Variants in RP1 observed in about 807,000 individuals in gnomAD.
RP1 encodes the protein oxygen-regulated protein 1.
Under a neutral mutation model 14.8 loss-of-function variants are expected in RP1, and 16 were observed. The observed-to-expected ratio is 1.08, with a 90% CI of 0.73 to 1.65. RP1 has a LOEUF of 1.65. Among genes scored for constraint, RP1 ranks in the 40% most tolerant of loss-of-function variants. The probability of loss-of-function intolerance (pLI) is 0.00; values close to 1 mark genes in which losing one functional copy is unlikely to be tolerated. For missense variants in RP1, 2,631 were observed against 2,535.0 expected (o/e 1.04, Z -0.81); for synonymous variants, 876 against 883.6 (o/e 0.99, Z 0.15).
At chr8:54,778,162 G>T (rs570962066) in intron 23 of RP1, among the ~76,000 whole-genome samples, 1 of 152,180 alleles carries the variant, frequency 6.6e-6, no homozygotes, top group Non-Finnish European at 1.5e-5. Context: ...GCTAAAATGT[G>T]CCCTTCAGGG....
In RP1 at chr8:54,755,800, C is replaced by T; in HGVS notation, c.3093+30C>T. ...GTCTATACAAATAATTTCCCAGATTCTTAACAATCTCTCTGAAGATGGCCA... is the reference window on the plus strand; with the variant it reads ...GTCTATACAAATAATTTCCCAGATTTTTAACAATCTCTCTGAAGATGGCCA... On this transcript the variant is annotated intron_variant, in intron 21 of 22. Coordinates refer to the RP1 transcript ENST00000636932. 3 of 1,419,810 alleles carry T rather than the reference C, an allele frequency of 2.1e-6. No homozygotes were observed. In the South Asian group the frequency reaches 4.4e-5, roughly 21 times the overall value. 88.0% of individuals were successfully genotyped at this position (1,419,810 alleles called of 1,614,324 possible).
intron 1 of RP1, among the ~76,000 whole-genome samples, chr8:54,581,790 T>A (rs1374674017): frequency 6.6e-6 from 1 of 152,248 alleles, no homozygotes; most frequent in Non-Finnish European, 1.5e-5. Context: ...GTCTTTTGGC[T>A]GCATAAATGT....
At chr8:54,791,222 G>T (rs1328604945) in intron 24 of RP1, among the ~76,000 whole-genome samples, 3 of 151,874 alleles carry the variant, frequency 2.0e-5, no homozygotes, top group Non-Finnish European at 2.9e-5. Context: ...AAAAAAACCT[G>T]CCAACCAAGA....
chr8:54,725,224 A>C (rs1185035131), intron 16 of RP1, among the ~76,000 whole-genome samples: 4 of 152,046 alleles, frequency 2.6e-5, no homozygotes, highest in Non-Finnish European at 4.4e-5. Flanking sequence ...AAGAATCTTA[A>C]ATTTTTTTCC....
At chr8:54,713,786 A>C (rs923443516) in intron 15 of RP1, among the ~76,000 whole-genome samples, 1 of 152,238 alleles carries the variant, frequency 6.6e-6, no homozygotes, top group South Asian at 2.1e-4. Context: ...CAAAAAATTT[A>C]AAAAACTTGA....
At chr8:54,679,154 C>T (rs947204249) in intron 9 of RP1, among the ~76,000 whole-genome samples, 11 of 152,138 alleles carry the variant, frequency 7.2e-5, no homozygotes, top group African/African-American at 2.2e-4. Flanking sequence ...TGACAGTTAG[C>T]AGGCTGATTG....
intron 19 of RP1, among the ~76,000 whole-genome samples, chr8:54,754,415 C>G (rs1036588929): frequency 1.3e-5 from 2 of 151,828 alleles, no homozygotes; most frequent in African/African-American, 4.8e-5. Flanking sequence ...AATCTTCATG[C>G]CTCCATTTTC....
At chr8:54,857,056 C>G in exon 27 of RP1, 1 of 1,212,604 alleles carries the variant, frequency 8.2e-7, no homozygotes. Context: ...AAGGCTGTAT[C>G]TCTCGGAAAA....
intron 24 of RP1, among the ~76,000 whole-genome samples, chr8:54,798,793 T>C (rs1218862947): frequency 6.6e-6 from 1 of 152,162 alleles, no homozygotes; most frequent in African/African-American, 2.4e-5. Flanking sequence ...ATAAAGTTGT[T>C]CTTATCCTGG....
chr8:54,857,560 TGAG>T (rs1207199630), intron 27 of RP1, among the ~76,000 whole-genome samples: 5 of 152,092 alleles, frequency 3.3e-5, no homozygotes, highest in Non-Finnish European at 7.4e-5. Context: ...TTTGTCAGGT[TGAG>T]TTTATTACAT....
At chr8:54,559,829 A>G (rs1167408585) in intron 1 of RP1, among the ~76,000 whole-genome samples, 1 of 152,192 alleles carries the variant, frequency 6.6e-6, no homozygotes, top group Non-Finnish European at 1.5e-5. Context: ...GATGACTATT[A>G]GAGACTGAGA....
intron 27 of RP1, among the ~76,000 whole-genome samples, chr8:54,857,499 A>G (rs1229422609): frequency 6.6e-6 from 1 of 151,270 alleles, no homozygotes; most frequent in Non-Finnish European, 1.5e-5. Context: ...GACTGAATAT[A>G]TTAAATTATA....
chr8:54,717,351 T>A (rs1808428567), intron 15 of RP1, among the ~76,000 whole-genome samples: 1 of 152,186 alleles, frequency 6.6e-6, no homozygotes, highest in South Asian at 2.1e-4. Flanking sequence ...ATTTAGTAGG[T>A]AAGAGAGCCT....
intron 17 of RP1, among the ~76,000 whole-genome samples, chr8:54,731,573 A>G (rs1463044680): frequency 6.6e-6 from 1 of 152,182 alleles, no homozygotes; most frequent in African/African-American, 2.4e-5. Context: ...ACTTTAATAC[A>G]TCATTCTGCA....
chr8:54,727,971 T>G (rs1808697652), intron 17 of RP1, among the ~76,000 whole-genome samples: 1 of 151,914 alleles, frequency 6.6e-6, no homozygotes, highest in African/African-American at 2.4e-5. Context: ...ACTGAGAAAA[T>G]GGAGACTGAG....
At chr8:54,867,052 A>T (rs780241489) in intron 28 of RP1, among the ~76,000 whole-genome samples, 27 of 152,302 alleles carry the variant, frequency 1.8e-4, no homozygotes, top group African/African-American at 6.5e-4. Flanking sequence ...TTGATGCTCA[A>T]TAAGGGAGGA....
chr8:54,708,251 T>C (rs141273412), intron 15 of RP1, among the ~76,000 whole-genome samples: 42 of 152,288 alleles, frequency 2.8e-4, no homozygotes, highest in African/African-American at 9.4e-4. Context: ...TGGGTCAACA[T>C]TGGAAATGTT....
intron 24 of RP1, among the ~76,000 whole-genome samples, chr8:54,811,939 G>T (rs574083086): frequency 4.8e-4 from 73 of 152,258 alleles, no homozygotes; most frequent in African/African-American, 1.6e-3. Context: ...GTCTTGTGGA[G>T]GTAGCTCAGT....
exon 6 of RP1, chr8:54,656,164 G>C: frequency 6.5e-7 from 1 of 1,535,712 alleles, no homozygotes; most frequent in Non-Finnish European, 8.7e-7. Context: ...AGAGGATGGG[G>C]AAATCTGTCG....
Sources: gnomAD v4.1 joint callset for allele counts (sites outside exome capture counted in the v4.1 genomes callset) on GRCh38, gnomAD v4.1.1 for gene constraint, MANE v1.5 for transcripts, NCBI Gene and HGNC (gene_info 2026-07-23, HGNC 2026-07-21) for gene names.